The following RBFOX1 variants were observed in gnomAD, a reference collection of about 807,000 sequenced individuals.
The protein encoded by RBFOX1 is RNA binding fox-1 homolog 1, also known as RNA binding protein fox-1 homolog 1.
A neutral mutation model predicts 57.7 loss-of-function variants in RBFOX1; 8 were observed. The ratio of observed to expected loss-of-function variants is 0.14; its 90% CI spans 0.08 to 0.25. The LOEUF (loss-of-function observed/expected upper bound fraction) is 0.25. RBFOX1 is among the 10% of genes least tolerant of loss of function. The pLI is 1.00. For missense variants in RBFOX1, 611 were observed against 548.5 expected (o/e 1.11, Z -1.14); for synonymous variants, 326 against 222.4 (o/e 1.47, Z -4.15).
chr16:5,886,506 T>C (rs2057903302), intron 4 of RBFOX1, among the ~76,000 whole-genome samples: 1 of 152,238 alleles, frequency 6.6e-6, no homozygotes, highest in Admixed American at 6.5e-5. Flanking sequence ...TCAATGGCTA[T>C]TTTAATTAAA....
At chr16:6,782,899 A>G (rs923514485) in intron 3 of RBFOX1, among the ~76,000 whole-genome samples, 3 of 152,100 alleles carry the variant, frequency 2.0e-5, no homozygotes, top group South Asian at 2.1e-4. Context: ...TTTGCTTTAT[A>G]TATCTGAGTG....
At chr16:6,202,417 A>T (rs537856661) in intron 1 of RBFOX1, among the ~76,000 whole-genome samples, 1 of 152,118 alleles carries the variant, frequency 6.6e-6, no homozygotes, top group African/African-American at 2.4e-5. Flanking sequence ...AGGTTATTCA[A>T]TCCATCTTCT....
intron 4 of RBFOX1, among the ~76,000 whole-genome samples, chr16:7,338,207 C>G (rs1486211571): frequency 6.6e-6 from 1 of 151,804 alleles, no homozygotes; most frequent in Non-Finnish European, 1.5e-5. Context: ...TCTCCCCACC[C>G]CCACCTAAGC....
rs933887595 is a variant in RBFOX1, at chr16:6,863,563, T to G, written c.-15-188494T>G. Among the ~76,000 whole-genome samples, 14 of 150,870 alleles carry G rather than the reference T, an allele frequency of 9.3e-5. 1 individual carries two copies. The Middle Eastern group carries it at 0.014, about 148-fold the overall frequency. On this transcript the variant is annotated intron_variant, in intron 3 of 15. Coordinates refer to ENST00000550418, the MANE Select transcript of RBFOX1 (RefSeq NM_018723.4). ...TTCTGGTTACATAGATAAATGTAAA[T>G]AACATTAAAGATGTGATCTGTTCCT...
At chr16:7,145,417 G>T (rs1397888580) in intron 4 of RBFOX1, among the ~76,000 whole-genome samples, 1 of 152,144 alleles carries the variant, frequency 6.6e-6, no homozygotes, top group Non-Finnish European at 1.5e-5. Context: ...ATGTTGGCCA[G>T]TCTGGTCTTG....
intron 1 of RBFOX1, among the ~76,000 whole-genome samples, chr16:6,293,957 T>C (rs770960368): frequency 6.6e-6 from 1 of 150,642 alleles, no homozygotes; most frequent in Non-Finnish European, 1.5e-5. Flanking sequence ...AGGAAAAACA[T>C]TTCAGTGAAT....
intron 13 of RBFOX1, chr16:7,671,501 C>T (rs1232685678): frequency 5.4e-6 from 8 of 1,484,234 alleles, no homozygotes; most frequent in Non-Finnish European, 7.5e-6. Context: ...CTTATGCATT[C>T]TCTTTTATTT....
At chr16:6,647,120 T>C (rs1265361457) in intron 2 of RBFOX1, among the ~76,000 whole-genome samples, 1 of 152,162 alleles carries the variant, frequency 6.6e-6, no homozygotes, top group Non-Finnish European at 1.5e-5. Flanking sequence ...TCCTGGCTTG[T>C]AGTCAGTCAT....
chr16:6,797,491 GCCT>G (rs2084356458), intron 3 of RBFOX1, among the ~76,000 whole-genome samples: 1 of 152,108 alleles, frequency 6.6e-6, no homozygotes, highest in South Asian at 2.1e-4. Flanking sequence ...CCCAGTACAA[GCCT>G]AATGTTGCTG....
At chr16:5,623,518 T>G (rs1350155253) in intron 3 of RBFOX1, among the ~76,000 whole-genome samples, 2 of 151,534 alleles carry the variant, frequency 1.3e-5, no homozygotes, top group African/African-American at 4.8e-5. Flanking sequence ...TTCTGCATCT[T>G]TACCTACACC....
intron 2 of RBFOX1, among the ~76,000 whole-genome samples, chr16:5,556,349 C>T (rs1007271429): frequency 7.9e-5 from 12 of 152,264 alleles, no homozygotes; most frequent in Admixed American, 3.3e-4. Flanking sequence ...CTACCCTCCC[C>T]GGCAGCTGCT....
intron 4 of RBFOX1, among the ~76,000 whole-genome samples, chr16:5,893,513 T>C (rs2058092321): frequency 6.6e-6 from 1 of 152,110 alleles, no homozygotes; most frequent in Admixed American, 6.5e-5. Context: ...CCTGTGTCCA[T>C]CTGTTTTATC....
Position 7,435,712 on chromosome 16 carries a change from C to G in RBFOX1, c.28-82435C>G, listed in dbSNP as rs1015420058. On this transcript the variant is annotated intron_variant, in intron 4 of 15. Transcript: ENST00000550418. ...AAGCTATTTAGCTGTAGGTTTTGGC[C>G]TTCAGGTGGGCTTAGTTGCAGGGCT... 4.6e-5 allele frequency among the ~76,000 whole-genome samples: 7 copies of G among 152,128 alleles called. No individual in the cohort carries two copies. The East Asian group carries it at 1.3e-3, about 29-fold the overall frequency.
chr16:6,888,318 G>T (rs1417642281), intron 3 of RBFOX1, among the ~76,000 whole-genome samples: 2 of 152,198 alleles, frequency 1.3e-5, no homozygotes, highest in Non-Finnish European at 2.9e-5. Flanking sequence ...TAGTTACACA[G>T]TTGGCAATAT....
At chr16:7,331,753 G>C (rs940344334) in intron 4 of RBFOX1, among the ~76,000 whole-genome samples, 2 of 152,052 alleles carry the variant, frequency 1.3e-5, no homozygotes, top group African/African-American at 4.8e-5. Context: ...AGATCACACA[G>C]CTAGTGATTA....
At chr16:5,614,533 G>A (rs944452872) in intron 3 of RBFOX1, among the ~76,000 whole-genome samples, 3 of 151,932 alleles carry the variant, frequency 2.0e-5, no homozygotes, top group Admixed American at 6.6e-5. Context: ...CTCCTGATTT[G>A]TCACTCCCTG....
At chr16:5,616,630 C>T (rs1417484092) in intron 3 of RBFOX1, among the ~76,000 whole-genome samples, 1 of 147,776 alleles carries the variant, frequency 6.8e-6, no homozygotes, top group African/African-American at 2.5e-5. Context: ...CTCTCTCCCT[C>T]CTCCTCCTCA....
At chr16:6,478,200 A>AG (rs58712032) in intron 2 of RBFOX1, among the ~76,000 whole-genome samples, 86,128 of 144,888 alleles carry the variant, frequency 0.59, 26,093 homozygotes, top group East Asian at 0.8. Context: ...TTGGTGCAGG[A>AG]GCCTAGCTTT....
At chr16:6,052,924 G>A (rs6500740) in intron 1 of RBFOX1, among the ~76,000 whole-genome samples, 149,136 of 151,886 alleles carry the variant, frequency 0.98, 73,231 homozygotes, top group East Asian at 1. Flanking sequence ...TCCTTTGTGA[G>A]CTCTTCATAA....
Sources: gnomAD v4.1 joint callset for allele counts (sites outside exome capture counted in the v4.1 genomes callset) on GRCh38, gnomAD v4.1.1 for gene constraint, MANE v1.5 for transcripts, NCBI Gene and HGNC (gene_info 2026-07-23, HGNC 2026-07-21) for gene names.